The following NRXN3 variants were observed in gnomAD, a reference collection of about 807,000 sequenced individuals.
NRXN3 encodes the protein neurexin 3.
In NRXN3, 32 loss-of-function variants were observed where a neutral mutation model predicts 137.6. The observed-to-expected ratio is 0.23, with a 90% confidence interval of 0.18 to 0.31. The LOEUF (loss-of-function observed/expected upper bound fraction) is 0.31, where lower values mean the gene tolerates loss of function less well. Among genes scored for constraint, NRXN3 ranks in the 10% least tolerant of loss-of-function variants. The pLI is 1.00. For missense variants in NRXN3, 1,574 were observed against 2,062.5 expected (o/e 0.76, Z 4.59); for synonymous variants, 798 against 784.5 (o/e 1.02, Z -0.29).
chr14:79,553,362 G>A (rs760663321), intron 16 of NRXN3, among the ~76,000 whole-genome samples: 7 of 152,110 alleles, frequency 4.6e-5, no homozygotes, highest in Non-Finnish European at 8.8e-5. Context: ...AAGAATTGAG[G>A]TTCAGGAAGG....
intron 16 of NRXN3, among the ~76,000 whole-genome samples, chr14:79,597,805 A>G (rs909062312): frequency 5.9e-5 from 9 of 152,138 alleles, no homozygotes; most frequent in Non-Finnish European, 1.3e-4. Flanking sequence ...TGGATCTGTG[A>G]AAAAAAGGAA....
In NRXN3 at chr14:78,667,635, G is replaced by T. The variant is rs150521410; in HGVS notation, c.1221+16309G>T. Among the ~76,000 whole-genome samples the T allele has an allele frequency of 9.3e-3, 1,416 of 152,226 alleles. 21 individuals carry two copies. The highest frequency in any genetic ancestry group is 0.032 in the African/African-American group (1,343 of 41,548). ...GACCACAATTGAAATGTGGTCAAAG[G>T]AGACCATCTGCCAAAGGAGAATAAT... On this transcript the variant is annotated intron_variant, in intron 6 of 20. Coordinates refer to ENST00000335750, the MANE Select transcript of NRXN3 (RefSeq NM_001330195.2).
chr14:78,801,276 G>A lies in NRXN3; in HGVS notation c.2045-2344G>A, dbSNP rs551706570. ...GCGGAGCTTGCAGTGAGCCGAGATC[G>A]CGCTACAGCACTCCAGCCTGGATGA... On this transcript the variant is annotated intron_variant, in intron 8 of 20. Coordinates refer to ENST00000335750, the MANE Select transcript of NRXN3 (RefSeq NM_001330195.2). Among the ~76,000 whole-genome samples, 6 of 152,282 alleles carry A rather than the reference G, an allele frequency of 3.9e-5. No homozygotes were observed. In the South Asian group the frequency reaches 6.2e-4, roughly 16 times the overall value.
At chr14:79,175,004 G>A (rs1198409398) in intron 15 of NRXN3, among the ~76,000 whole-genome samples, 6 of 148,118 alleles carry the variant, frequency 4.1e-5, no homozygotes, top group Non-Finnish European at 5.9e-5. Flanking sequence ...TTTCTGAGGC[G>A]GAGTCTCTCT....
At chr14:78,866,816 G>C (rs915495083) in intron 10 of NRXN3, among the ~76,000 whole-genome samples, 3 of 42,600 alleles carry the variant, frequency 7.0e-5, no homozygotes, top group African/African-American at 2.7e-4. Flanking sequence ...TTTTTTTTTT[G>C]AGATGGAGTC....
intron 15 of NRXN3, among the ~76,000 whole-genome samples, chr14:79,261,974 AG>A (rs1447554095): frequency 6.6e-6 from 1 of 152,078 alleles, no homozygotes; most frequent in Non-Finnish European, 1.5e-5. Context: ...GTGGGAGTAA[AG>A]AAGGAAGCAT....
Position 79,697,736 on chromosome 14 carries a change from G to A in NRXN3, c.3813G>A (p.Leu1271=). The A allele has an allele frequency of 6.2e-7, 1 of 1,613,188 alleles. No homozygotes were observed. Among genetic ancestry groups the A allele is most frequent in the Non-Finnish European group, 8.5e-7 (1 of 1,179,436 alleles). The change falls in exon 19 of 21, where the codon TTG becomes TTA. Residue 1271 remains leucine (L), a synonymous_variant. Coordinates refer to ENST00000335750, the MANE Select transcript of NRXN3 (RefSeq NM_001330195.2). ...GQLSGLYYDG[L]KVLNMAAENN... The stretch of plus-strand genomic sequence containing the variant: ...TCTCTGGGCTCTATTATGATGGTTT[G>A]AAAGTACTGAACATGGCGGCTGAGA...
chr14:78,354,516 G>T (rs78532859), intron 4 of NRXN3, among the ~76,000 whole-genome samples: 79 of 152,234 alleles, frequency 5.2e-4, no homozygotes, highest in African/African-American at 1.8e-3. Context: ...CGCTCCCCAT[G>T]CAGCTGAATG....
chr14:79,842,979 G>A (rs2099359333), intron 20 of NRXN3, among the ~76,000 whole-genome samples: 1 of 152,230 alleles, frequency 6.6e-6, no homozygotes, highest in South Asian at 2.1e-4. Context: ...ATGAGATCAT[G>A]TAATATCTTT....
At chr14:79,784,559 A>G (rs1280921377) in intron 19 of NRXN3, among the ~76,000 whole-genome samples, 1 of 151,796 alleles carries the variant, frequency 6.6e-6, no homozygotes, top group Non-Finnish European at 1.5e-5. Context: ...CTGATCTCCA[A>G]AGAATCAGAA....
In NRXN3 at chr14:78,967,153, A is replaced by T. The variant is rs1256844090; in HGVS notation, c.2778-55A>T. 38 of 1,522,306 alleles carry T rather than the reference A, an allele frequency of 2.5e-5. No individual in the cohort carries two copies. In the East Asian group the frequency reaches 8.7e-4, roughly 35 times the overall value. The allele number at this position is 1,522,306 out of a possible 1,614,324, so 94.3% of individuals were successfully genotyped here. ...CTATGTCAGTTACACACATATAGCC[A>T]TTAAACCACTTCGGGGATTTTCCAA... On this transcript the variant is annotated intron_variant, in intron 12 of 20. Transcript: ENST00000335750.
chr14:78,202,495 T>G (rs1474806220), intron 1 of NRXN3, among the ~76,000 whole-genome samples: 1 of 152,194 alleles, frequency 6.6e-6, no homozygotes, highest in African/African-American at 2.4e-5. Context: ...CTGTCAGGGC[T>G]GTAAAGTCAG....
chr14:79,851,429 A>C (rs180784904), intron 20 of NRXN3, among the ~76,000 whole-genome samples: 2 of 152,166 alleles, frequency 1.3e-5, no homozygotes, highest in African/African-American at 2.4e-5. Flanking sequence ...AATGATTAAC[A>C]TTATTAAACC....
chr14:79,167,715 T>C (rs950521715), intron 15 of NRXN3, among the ~76,000 whole-genome samples: 1 of 151,944 alleles, frequency 6.6e-6, no homozygotes, highest in African/African-American at 2.4e-5. Flanking sequence ...TTTGGTCTTC[T>C]CACCTCTGGT....
intron 15 of NRXN3, among the ~76,000 whole-genome samples, chr14:79,124,515 A>G (rs926060794): frequency 1.3e-5 from 2 of 152,282 alleles, no homozygotes; most frequent in African/African-American, 2.4e-5. Flanking sequence ...GGGAGAATTA[A>G]CTTCTACTCT....
intron 15 of NRXN3, among the ~76,000 whole-genome samples, chr14:79,318,965 C>G (rs1643995618): frequency 6.6e-6 from 1 of 152,168 alleles, no homozygotes; most frequent in South Asian, 2.1e-4. Context: ...TCTATGCACT[C>G]ACTTTGTTTT....
At chr14:78,956,293 G>A (rs796991950) in intron 10 of NRXN3, among the ~76,000 whole-genome samples, 15 of 152,208 alleles carry the variant, frequency 9.9e-5, no homozygotes, top group African/African-American at 3.6e-4. Context: ...TTGCATTTCA[G>A]ATCAATAACG....
chr14:78,714,140 G>A (rs996029723), intron 7 of NRXN3, among the ~76,000 whole-genome samples: 4 of 152,148 alleles, frequency 2.6e-5, no homozygotes, highest in Non-Finnish European at 4.4e-5. Flanking sequence ...ATATTCACTG[G>A]CAGGGCTGGT....
chr14:79,154,467 CT>C (rs1220047812), intron 15 of NRXN3, among the ~76,000 whole-genome samples: 1 of 151,730 alleles, frequency 6.6e-6, no homozygotes, highest in Admixed American at 6.6e-5. Context: ...TTTTTTAAGC[CT>C]TTAGAATTGT....
Sources: gnomAD v4.1 joint callset for allele counts (sites outside exome capture counted in the v4.1 genomes callset) on GRCh38, gnomAD v4.1.1 for gene constraint, MANE v1.5 for transcripts, NCBI Gene and HGNC (gene_info 2026-07-23, HGNC 2026-07-21) for gene names.